TNNI3K: variants seen among roughly 807,000 people sequenced by gnomAD.
The protein encoded by TNNI3K is serine/threonine-protein kinase TNNI3K.
In TNNI3K, 140 loss-of-function variants were observed where a neutral mutation model predicts 114.5. The observed-to-expected ratio is 1.22, with a 90% CI of 1.07 to 1.41. The LOEUF (loss-of-function observed/expected upper bound fraction) is 1.41, where lower values mean the gene tolerates loss of function less well. Among genes scored for constraint, TNNI3K ranks in the 40% most tolerant of loss-of-function variants. The probability of loss-of-function intolerance (pLI) is 0.00; values close to 1 mark genes in which losing one functional copy is unlikely to be tolerated. For missense variants in TNNI3K, 1,125 were observed against 1,007.6 expected, an observed-to-expected ratio of 1.12 and a Z score of -1.58; for synonymous variants, 347 against 347.5, an observed-to-expected ratio of 1.00 and a Z score of 0.02.
intron 20 of TNNI3K, among the ~76,000 whole-genome samples, chr1:74,449,141 T>G (rs1235926711): frequency 6.6e-6 from 1 of 150,664 alleles, no homozygotes; most frequent in Non-Finnish European, 1.5e-5. Flanking sequence ...CAATTTCAGC[T>G]CCTGTTATTG....
At chr1:74,330,098 C>A (rs372013453) in intron 5 of TNNI3K, among the ~76,000 whole-genome samples, 1 of 151,886 alleles carries the variant, frequency 6.6e-6, no homozygotes, top group African/African-American at 2.4e-5. Context: ...AAGAGAGACT[C>A]GAAGACAGGT....
At chr1:74,445,611 T>C (rs1395402441) in intron 20 of TNNI3K, among the ~76,000 whole-genome samples, 2 of 135,514 alleles carry the variant, frequency 1.5e-5, no homozygotes, top group South Asian at 2.3e-4. Flanking sequence ...TTCTTTTTTT[T>C]CTTTTTTTCT....
intron 23 of TNNI3K, among the ~76,000 whole-genome samples, chr1:74,519,465 T>C (rs1570734053): frequency 7.9e-6 from 1 of 126,532 alleles, no homozygotes; most frequent in African/African-American, 4.3e-5. Flanking sequence ...CACACTGACT[T>C]CCACAATGGT....
chr1:74,285,749 A>T (rs532844), intron 5 of TNNI3K, among the ~76,000 whole-genome samples: 151,926 of 152,326 alleles, frequency 1, 75,765 homozygotes, highest in Non-Finnish European at 1. Context: ...TTAGGAATTA[A>T]ACAGAATGAG....
At chr1:74,403,470 A>G (rs976543642) in intron 17 of TNNI3K, among the ~76,000 whole-genome samples, 2 of 152,150 alleles carry the variant, frequency 1.3e-5, no homozygotes, top group Admixed American at 1.3e-4. Context: ...GTATGTCAAT[A>G]CTAATTAAAT....
chr1:74,329,574 G>A (rs572700531), intron 5 of TNNI3K, among the ~76,000 whole-genome samples: 3 of 152,046 alleles, frequency 2.0e-5, no homozygotes, highest in South Asian at 2.1e-4. Context: ...AAATTATGAG[G>A]TAAGCATGTA....
rs1415399314 is a variant in TNNI3K at position 74,403,311 on chromosome 1, A to G, written c.1773-32769A>G. Among the ~76,000 whole-genome samples the G allele has an allele frequency of 3.9e-5, 6 of 152,274 alleles. No individual in the cohort carries two copies. In the East Asian group the frequency reaches 1.2e-3, roughly 29 times the overall value. ...AAGTAGTTTTCATCTGTTATTATCA[A>G]TAGTAAAAATCTCACGGTACATCCT... On this transcript the variant is annotated intron_variant, in intron 17 of 24. Transcript: ENST00000326637.
intron 17 of TNNI3K, among the ~76,000 whole-genome samples, chr1:74,384,417 G>A (rs759919812): frequency 2.0e-5 from 3 of 152,130 alleles, no homozygotes; most frequent in Non-Finnish European, 4.4e-5. Context: ...GTTTTGCAAT[G>A]TAGCTATAGC....
At chr1:74,249,575 C>T (rs1348337252) in intron 3 of TNNI3K, 31 bp downstream of exon 3, 1 of 1,605,752 alleles carries the variant, frequency 6.2e-7, no homozygotes, top group Non-Finnish European at 8.5e-7. Flanking sequence ...ACTTCTTAAA[C>T]TGGTTATATG....
At chr1:74,470,955 TG>T (rs780093128) in intron 21 of TNNI3K, 40 of 400,632 alleles carry the variant, frequency 1.0e-4, no homozygotes, top group Non-Finnish European at 3.5e-5. Context: ...AATGTTGGAA[TG>T]GTAAAACATC....
At chr1:74,475,788 T>C (rs565522524) in intron 21 of TNNI3K, 1 of 611,168 alleles carries the variant, frequency 1.6e-6, no homozygotes, top group Admixed American at 2.9e-5. Flanking sequence ...CAACTAAACC[T>C]AGGCAAGTGA....
intron 22 of TNNI3K, among the ~76,000 whole-genome samples, chr1:74,490,448 G>C (rs1166832862): frequency 1.3e-5 from 2 of 152,096 alleles, no homozygotes; most frequent in Non-Finnish European, 2.9e-5. Context: ...TCTGGAGGTG[G>C]ATTCCAGAAA....
At chr1:74,426,188 G>A (rs1196800358) in intron 17 of TNNI3K, among the ~76,000 whole-genome samples, 1 of 152,066 alleles carries the variant, frequency 6.6e-6, no homozygotes, top group Non-Finnish European at 1.5e-5. Context: ...AGTCCAGTAG[G>A]TAAAAGCAGT....
chr1:74,316,856 A>AT (rs60524669), intron 5 of TNNI3K, among the ~76,000 whole-genome samples: 2 of 143,010 alleles, frequency 1.4e-5, no homozygotes, highest in African/African-American at 5.2e-5. Flanking sequence ...CGCCCAGCTA[A>AT]TTTTTTTTTT....
intron 4 of TNNI3K, among the ~76,000 whole-genome samples, chr1:74,254,246 ATTCACTTAC>A (rs1475011760): frequency 6.6e-6 from 1 of 152,198 alleles, no homozygotes; most frequent in African/African-American, 2.4e-5. Flanking sequence ...GAACAAGAAA[ATTCACTTAC>A]ATAACTCCAA....
chr1:74,312,973 T>C (rs1285330666), intron 5 of TNNI3K, among the ~76,000 whole-genome samples: 1 of 152,184 alleles, frequency 6.6e-6, no homozygotes, highest in Non-Finnish European at 1.5e-5. Flanking sequence ...CTCAGTTCTG[T>C]TTTAGAACCA....
At chr1:74,464,934 C>T (rs1291673075) in intron 21 of TNNI3K, 1 of 1,249,640 alleles carries the variant, frequency 8.0e-7, no homozygotes, top group Non-Finnish European at 1.0e-6. Context: ...TATTGCCTAT[C>T]AGTGCCTTCA....
At chr1:74,437,086 T>C (rs1666168437) in intron 19 of TNNI3K, among the ~76,000 whole-genome samples, 1 of 152,068 alleles carries the variant, frequency 6.6e-6, no homozygotes, top group Non-Finnish European at 1.5e-5. Context: ...AGTAGACTTC[T>C]CTTTCTGGAC....
rs184519828 is a variant in TNNI3K, at chr1:74,239,946, A to G, written c.149+3736A>G. 15 of 470,342 alleles carry G rather than the reference A, an allele frequency of 3.2e-5. No individual in the cohort carries two copies. The East Asian group carries it at 9.7e-4, about 31-fold the overall frequency. 29.1% of individuals were successfully genotyped at this position (470,342 alleles called of 1,614,324 possible). ...GTTGCATTCACTCATAACTTTGGAC[A>G]TTTGTTTAGGTAATGGATTGGTGAC... On this transcript the variant is annotated intron_variant, in intron 2 of 24. Transcript: ENST00000326637.
Sources: gnomAD v4.1 joint callset for allele counts (sites outside exome capture counted in the v4.1 genomes callset) on GRCh38, gnomAD v4.1.1 for gene constraint, MANE v1.5 for transcripts, NCBI Gene and HGNC (gene_info 2026-07-23, HGNC 2026-07-21) for gene names.